Variants in AP3B2 observed in about 807,000 individuals in gnomAD.
The protein encoded by AP3B2 is AP-3 complex subunit beta-2.
AP3B2 carries 50 observed loss-of-function variants against 126.9 expected under a neutral mutation model. The observed-to-expected ratio is 0.39, with a 90% CI of 0.31 to 0.50. The LOEUF (loss-of-function observed/expected upper bound fraction) is 0.50, where lower values mean the gene tolerates loss of function less well. Ranked by LOEUF, AP3B2 falls within the 20% of genes least tolerant of loss-of-function variation. The probability of loss-of-function intolerance (pLI) is 0.79; values close to 1 mark genes in which losing one functional copy is unlikely to be tolerated. For missense variants in AP3B2, 1,177 were observed against 1,426.4 expected (o/e 0.83, Z 2.82); for synonymous variants, 541 against 565.0 (o/e 0.96, Z 0.60).
Position 82,665,048 on chromosome 15 carries a change from G to A in AP3B2, c.2029-105C>T, listed in dbSNP as rs1201641520. On this transcript the variant is annotated intron_variant, in intron 17 of 26. Coordinates refer to ENST00000535359, the MANE Select transcript of AP3B2 (RefSeq NM_001278512.2). The surrounding 1 kb of genome is among the most constrained non-coding windows in gnomAD (Gnocchi z 4.4). ...TCCACCTCTTTGTGAGGCCCTACCT[G>A]GTCTGTCCCACAAAGGGAATAACAG... 2 of 1,059,044 alleles carry A rather than the reference G, an allele frequency of 1.9e-6. No individual in the cohort carries two copies. Among genetic ancestry groups the A allele is most frequent in the East Asian group, 2.6e-5 (1 of 38,692 alleles). The allele number at this position is 1,059,044 out of a possible 1,614,324, so 65.6% of individuals were successfully genotyped here. A position where few individuals can be genotyped will look rare whatever the true frequency, so the allele number is the denominator to read the frequency against.
chr15:82,666,598 A>G, intron 15 of AP3B2, 149 bp downstream of exon 15: 1 of 822,810 alleles, frequency 1.2e-6, no homozygotes, highest in Non-Finnish European at 1.8e-6. Flanking sequence ...TCCTGGTGCC[A>G]CAGGAGGGAC....
At chr15:82,669,844 AT>A (rs1786257326) in intron 14 of AP3B2, among the ~76,000 whole-genome samples, 1 of 149,334 alleles carries the variant, frequency 6.7e-6, no homozygotes, top group South Asian at 2.1e-4. Context: ...TCTACTAAAA[AT>A]ACAAAATTAG....
At chr15:82,705,496 T>G (rs2048782954) in intron 1 of AP3B2, among the ~76,000 whole-genome samples, 1 of 152,174 alleles carries the variant, frequency 6.6e-6, no homozygotes. Context: ...CATTCTCTTC[T>G]GGATTTCAAA....
At chr15:82,700,420 TGGA>T (rs2048702355) in intron 1 of AP3B2, among the ~76,000 whole-genome samples, 1 of 139,710 alleles carries the variant, frequency 7.2e-6, no homozygotes, top group African/African-American at 2.7e-5. Flanking sequence ...TTTTTTCAGA[TGGA>T]GTTTCACTCT....
In AP3B2 at chr15:82,697,176, TA is replaced by T. The variant is rs199620513; in HGVS notation, c.114-7724del. On this transcript the variant is annotated intron_variant, in intron 1 of 26. Transcript: ENST00000535359. Reference sequence around the variant, plus strand: ...GAAACCCCGTCTCTACTAAAAAATTTAAAAAAAATTAGCCGGGTGTGGTGGC... The same window carrying T: ...GAAACCCCGTCTCTACTAAAAAATTTAAAAAAATTAGCCGGGTGTGGTGGC... Among the ~76,000 whole-genome samples, 1,156 of 151,766 alleles carry T rather than the reference TA, an allele frequency of 7.6e-3. 12 individuals carry two copies. The highest frequency in any genetic ancestry group is 8.4e-3 in the Non-Finnish European group (569 of 67,884).
intron 14 of AP3B2, among the ~76,000 whole-genome samples, chr15:82,675,493 T>C (rs1257850003): frequency 6.6e-6 from 1 of 152,196 alleles, no homozygotes. Flanking sequence ...GCAGGGATGC[T>C]ACAGTCTCCA....
chr15:82,662,014 G>A, intron 24 of AP3B2, 92 bp from the exon 25 acceptor site: 1 of 1,368,378 alleles, frequency 7.3e-7, no homozygotes. Flanking sequence ...TGGAGGCAGT[G>A]AAAGAGTGAG....
chr15:82,667,420 C>T (rs1567258563), intron 14 of AP3B2, among the ~76,000 whole-genome samples: 1 of 152,240 alleles, frequency 6.6e-6, no homozygotes, highest in African/African-American at 2.4e-5. Flanking sequence ...GCCCTATCCA[C>T]CCATTTAGTA....
intron 4 of AP3B2, chr15:82,686,578 G>T (rs1407389364): frequency 2.6e-5 from 4 of 152,226 alleles, no homozygotes; most frequent in African/African-American, 7.2e-5. Flanking sequence ...ATTTCTTATG[G>T]ATATTCATTA....
chr15:82,703,449 T>A (rs2048751903), intron 1 of AP3B2, among the ~76,000 whole-genome samples: 1 of 152,004 alleles, frequency 6.6e-6, no homozygotes, highest in South Asian at 2.1e-4. Context: ...CCTCCTTCAC[T>A]GTGGGCAACA....
At position 82,665,406 on chromosome 15, in the gene AP3B2, C is replaced by CTTCA; in HGVS notation, c.1971+50_1971+51insTGAA. 3.6e-4 allele frequency: 285 copies of CTTCA among 795,142 alleles called. No homozygotes were observed. The highest frequency in any genetic ancestry group is 7.2e-4 in the Admixed American group (29 of 40,386). 49.3% of individuals were successfully genotyped at this position (795,142 alleles called of 1,614,324 possible). On this transcript the variant is annotated intron_variant, in intron 16 of 26. Transcript: ENST00000535359. This position sits in a 1 kb window ranked among gnomAD's most constrained non-coding sequence, Gnocchi z 4.4. ...ACACACACACACACACACACACACA[C>CTTCA]ACACACACACACACACACACACACA...
rs1410185898 is a variant in AP3B2 at position 82,664,793 on chromosome 15, A to C, written c.2137+42T>G. 7.0e-7 allele frequency: 1 copy of C among 1,436,278 alleles called. No homozygotes were observed. The highest frequency in any genetic ancestry group is 1.4e-5 in the African/African-American group (1 of 71,104). The allele number at this position is 1,436,278 out of a possible 1,614,324, so 89.0% of individuals were successfully genotyped here. ...CTCATATAGTCAGTCACACAGATGC[A>C]TGGGCAGAGCACAGAGGACCCCAGC... On this transcript the variant is annotated intron_variant, in intron 18 of 26. Transcript: ENST00000535359. The surrounding 1 kb of genome is among the most constrained non-coding windows in gnomAD (Gnocchi z 4.5).
intron 25 of AP3B2, among the ~76,000 whole-genome samples, chr15:82,661,335 A>G (rs2047943875): frequency 6.6e-6 from 1 of 152,086 alleles, no homozygotes; most frequent in Non-Finnish European, 1.5e-5. Context: ...AGCTTATCCA[A>G]AACTAACCAT....
chr15:82,665,049 G>C lies in AP3B2; in HGVS notation c.2029-106C>G, dbSNP rs2048027925. 4.7e-6 allele frequency: 5 copies of C among 1,058,214 alleles called. No homozygotes were observed. In the South Asian group the frequency reaches 7.2e-5, roughly 15 times the overall value. The allele number at this position is 1,058,214 out of a possible 1,614,324, so 65.6% of individuals were successfully genotyped here. On this transcript the variant is annotated intron_variant, in intron 17 of 26. Transcript: ENST00000535359. This position sits in a 1 kb window ranked among gnomAD's most constrained non-coding sequence, Gnocchi z 4.4. ...CCACCTCTTTGTGAGGCCCTACCTG[G>C]TCTGTCCCACAAAGGGAATAACAGA...
intron 1 of AP3B2, chr15:82,689,772 G>T (rs1002152964): frequency 9.9e-6 from 3 of 304,212 alleles, no homozygotes; most frequent in Non-Finnish European, 1.9e-5. Context: ...CTCTAATAGA[G>T]TGGGTCTCTA....
chr15:82,681,206 T>C lies in AP3B2; in HGVS notation c.522-28A>G. On this transcript the variant is annotated intron_variant, in intron 5 of 26. Transcript: ENST00000535359. The surrounding 1 kb of genome is among the most constrained non-coding windows in gnomAD (Gnocchi z 4.0). ...GAGGGAGAAATCGGTGAGGGGAATTTGCCACTCTCAGCCCCAGCCTTCCCA... is the reference window on the plus strand; with the variant it reads ...GAGGGAGAAATCGGTGAGGGGAATTCGCCACTCTCAGCCCCAGCCTTCCCA... The C allele has an allele frequency of 6.2e-7, 1 of 1,600,440 alleles. No individual in the cohort carries two copies. Among genetic ancestry groups the C allele is most frequent in the African/African-American group, 1.3e-5 (1 of 74,704 alleles).
In AP3B2 at chr15:82,680,442, G is replaced by C; in HGVS notation, c.1055+30C>G. On this transcript the variant is annotated intron_variant, in intron 8 of 26. Coordinates refer to ENST00000535359, the MANE Select transcript of AP3B2 (RefSeq NM_001278512.2). This position sits in a 1 kb window ranked among gnomAD's most constrained non-coding sequence, Gnocchi z 6.1. ...CCCGTGGGGCGGGGCAGGAGGCGAG[G>C]GAGGGGGCGGGGCTGGGGGCGGAGC... The C allele has an allele frequency of 1.4e-6, 2 of 1,454,526 alleles. No homozygotes were observed. The highest frequency in any genetic ancestry group is 1.8e-6 in the Non-Finnish European group (2 of 1,106,622). The allele number at this position is 1,454,526 out of a possible 1,614,324, so 90.1% of individuals were successfully genotyped here. A position where few individuals can be genotyped will look rare whatever the true frequency, so the allele number is the denominator to read the frequency against.
At chr15:82,689,011 A>C in intron 3 of AP3B2, 147 bp downstream of exon 3, 1 of 1,046,524 alleles carries the variant, frequency 9.6e-7, no homozygotes, top group Non-Finnish European at 1.4e-6. Flanking sequence ...CAGTTCAGGG[A>C]CATGGAGACA....
In AP3B2 at chr15:82,664,596, T is replaced by A; in HGVS notation, c.2138-106A>T. 1 of 1,358,150 alleles carries A rather than the reference T, an allele frequency of 7.4e-7. No individual in the cohort carries two copies. Among genetic ancestry groups the A allele is most frequent in the Non-Finnish European group, 1.0e-6 (1 of 990,258 alleles). 84.1% of individuals were successfully genotyped at this position (1,358,150 alleles called of 1,614,324 possible). On this transcript the variant is annotated intron_variant, in intron 18 of 26. Coordinates refer to ENST00000535359, the MANE Select transcript of AP3B2 (RefSeq NM_001278512.2). This position sits in a 1 kb window ranked among gnomAD's most constrained non-coding sequence, Gnocchi z 4.5. ...ACATTCAGTACTGAACCCTCAAACC[T>A]CTCTGACCTGCCCCCAGCCCTACAT...
Sources: gnomAD v4.1 joint callset for allele counts (sites outside exome capture counted in the v4.1 genomes callset) on GRCh38, gnomAD v4.1.1 for gene constraint, Gnocchi (gnomAD v3.1) non-coding constraint, MANE v1.5 for transcripts, NCBI Gene and HGNC (gene_info 2026-07-23, HGNC 2026-07-21) for gene names.